ABHD17B: variants seen among roughly 807,000 people sequenced by gnomAD.
ABHD17B encodes alpha/beta hydrolase domain-containing protein 17B.
A neutral mutation model predicts 26.2 loss-of-function variants in ABHD17B; 9 were observed. That is an observed-to-expected ratio of 0.34 (90% confidence interval 0.21 to 0.60). The LOEUF (loss-of-function observed/expected upper bound fraction) is 0.60. Among genes scored for constraint, ABHD17B ranks in the 20% least tolerant of loss-of-function variants. The pLI, the probability that ABHD17B is intolerant of heterozygous loss-of-function variation, is 0.80. For synonymous variants in ABHD17B, 127 were observed against 122.3 expected (o/e 1.04, Z -0.25); for missense variants, 224 against 352.1 (o/e 0.64, Z 2.91).
chr9:71,870,222 T>C lies in ABHD17B; in HGVS notation c.508A>G (p.Ser170Gly), dbSNP rs1251489780. ...TCCACAGACGGTACTGTCCCTATAC[T>C]TTGGCCATATATAATCACATTTTCA... ...RPENVIIYGQ[S>G]IGTVPSVDLA... The change falls in exon 3 of 4, where the codon AGT becomes GGT. Residue 170 changes from serine (S) to glycine (G), a missense_variant. Coordinates refer to ENST00000333421, the MANE Select transcript of ABHD17B (RefSeq NM_001025780.3). The C allele has an allele frequency of 6.2e-7, 1 of 1,605,004 alleles. No individual in the cohort carries two copies. The highest frequency in any genetic ancestry group is 8.5e-7 in the Non-Finnish European group (1 of 1,176,518).
chr9:71,864,508 C>A (rs548877700), downstream of ABHD17B, among the ~76,000 whole-genome samples: 1 of 152,038 alleles, frequency 6.6e-6, no homozygotes, highest in East Asian at 1.9e-4. Context: ...CATGAGCCAC[C>A]GCCCCTGGCC....
intron 1 of ABHD17B, among the ~76,000 whole-genome samples, chr9:71,904,117 C>T (rs1827217497): frequency 6.6e-6 from 1 of 152,166 alleles, no homozygotes; most frequent in Non-Finnish European, 1.5e-5. Flanking sequence ...TTAACAGGTT[C>T]AACTAACTCC....
In ABHD17B at chr9:71,866,846, A is replaced by G. The variant is rs760746048; in HGVS notation, c.808T>C (p.Tyr270His). Residue 270 changes from tyrosine (Y) to histidine (H), a missense_variant, in exon 4 of 4, where the codon TAT becomes CAT. Tyr to His is a moderately conservative substitution (Grantham distance 83). Coordinates refer to ENST00000333421, the MANE Select transcript of ABHD17B (RefSeq NM_001025780.3). ...EGAGHNDVEL[Y>H]GQYLERLKQF... ...TTCAACCTTTCAAGATACTGTCCAT[A>G]AAGTTCCACATCATTGTGACCTGCT... 1.9e-6 allele frequency: 3 copies of G among 1,614,076 alleles called. No individual in the cohort carries two copies. The highest frequency in any genetic ancestry group is 1.3e-5 in the African/African-American group (1 of 74,938).
intron 1 of ABHD17B, among the ~76,000 whole-genome samples, chr9:71,907,790 C>A (rs556661103): frequency 3.0e-4 from 46 of 152,268 alleles, no homozygotes; most frequent in African/African-American, 1.0e-3. Context: ...GCTGGGATTA[C>A]AGGCGTGAGC....
chr9:71,896,394 A>G (rs144153138), intron 1 of ABHD17B, among the ~76,000 whole-genome samples: 7 of 152,318 alleles, frequency 4.6e-5, no homozygotes, highest in African/African-American at 1.7e-4. Flanking sequence ...ACATACGGGC[A>G]TTAAGGAATA....
chr9:71,910,555 T>G (rs1827433130), intron 1 of ABHD17B, 79 bp downstream of exon 1: 1 of 140,770 alleles, frequency 7.1e-6, no homozygotes, highest in African/African-American at 2.6e-5. Context: ...GGCTCGTCCC[T>G]CCCGCGCTGC....
At chr9:71,901,720 C>G (rs1369263481) in intron 1 of ABHD17B, among the ~76,000 whole-genome samples, 1 of 152,158 alleles carries the variant, frequency 6.6e-6, no homozygotes, top group South Asian at 2.1e-4. Context: ...CTTCATTCCT[C>G]TCATTCAATC....
chr9:71,895,835 AG>A (rs1314216957), intron 1 of ABHD17B, among the ~76,000 whole-genome samples: 1 of 152,184 alleles, frequency 6.6e-6, no homozygotes, highest in Non-Finnish European at 1.5e-5. Context: ...CTTGGGGTCA[AG>A]CCTAAAAATT....
At chr9:71,893,973 C>T (rs984388416) in intron 1 of ABHD17B, among the ~76,000 whole-genome samples, 5 of 151,532 alleles carry the variant, frequency 3.3e-5, no homozygotes, top group African/African-American at 9.7e-5. Context: ...ACCTGTAGTC[C>T]CAGCTACTCG....
At chr9:71,908,474 G>A (rs895212954) in intron 1 of ABHD17B, among the ~76,000 whole-genome samples, 6 of 151,972 alleles carry the variant, frequency 3.9e-5, no homozygotes, top group African/African-American at 1.5e-4. Context: ...GGCAAATGGG[G>A]CAATGTATGT....
At chr9:71,878,148 A>C (rs1415227934) in intron 1 of ABHD17B, among the ~76,000 whole-genome samples, 2 of 152,210 alleles carry the variant, frequency 1.3e-5, no homozygotes, top group Non-Finnish European at 2.9e-5. Context: ...AAAAAAAAAA[A>C]AAATCACTGA....
rs535783259 is a variant in ABHD17B at position 71,871,023 on chromosome 9, T to C, written c.468-761A>G. ...CTAGTATGTTCAAGGAACTGCTTGC[T>C]ACTTGTCTACAGTATAATCATCCCA... On this transcript the variant is annotated intron_variant, in intron 2 of 3. Coordinates refer to ENST00000333421, the MANE Select transcript of ABHD17B (RefSeq NM_001025780.3). Among the ~76,000 whole-genome samples the C allele has an allele frequency of 2.0e-5, 3 of 152,356 alleles. No homozygotes were observed. In the South Asian group the frequency reaches 6.2e-4, roughly 32 times the overall value.
rs572416293 is a variant in ABHD17B, at chr9:71,865,922, T to C, written c.*865A>G. 3 of 985,430 alleles carry C rather than the reference T, an allele frequency of 3.0e-6. No individual in the cohort carries two copies. In the South Asian group the frequency reaches 1.4e-4, roughly 46 times the overall value. 61.0% of individuals were successfully genotyped at this position (985,430 alleles called of 1,614,324 possible). On this transcript the variant is annotated 3_prime_UTR_variant, in exon 4 of 4. Coordinates refer to ENST00000333421, the MANE Select transcript of ABHD17B (RefSeq NM_001025780.3). ...TGATAGCCAGTCTGTTAGTGGTCTT[T>C]AAGATCAACTCATGGACTTTCGGGA...
chr9:71,866,499 C>T lies in ABHD17B; in HGVS notation c.*288G>A. ...GCAAAAGCATTTGGCAATACTTTTA[C>T]AGCATTTGATTTTATAGAATTAAAA... On this transcript the variant is annotated 3_prime_UTR_variant, in exon 4 of 4. Transcript: ENST00000333421. 3 of 1,102,586 alleles carry T rather than the reference C, an allele frequency of 2.7e-6. No individual in the cohort carries two copies. The highest frequency in any genetic ancestry group is 3.3e-6 in the Non-Finnish European group (3 of 903,458). 68.3% of individuals were successfully genotyped at this position (1,102,586 alleles called of 1,614,324 possible). A position where few individuals can be genotyped will look rare whatever the true frequency, so the allele number is the denominator to read the frequency against.
chr9:71,867,363 T>C lies in ABHD17B; in HGVS notation c.648-357A>G, dbSNP rs115858767. Among the ~76,000 whole-genome samples the C allele has an allele frequency of 8.3e-3, 1,264 of 152,318 alleles. 17 individuals are homozygous for C. The highest frequency in any genetic ancestry group is 0.028 in the African/African-American group (1,173 of 41,572). ...CATTTCAAGTATGCGCTAATTTCAC[T>C]TTCTGCACTCACTATATTCTTTCTC... is the stretch of plus-strand genomic sequence containing the variant. On this transcript the variant is annotated intron_variant, in intron 3 of 3. Transcript: ENST00000333421.
At chr9:71,901,410 T>C (rs1363149454) in intron 1 of ABHD17B, among the ~76,000 whole-genome samples, 1 of 152,206 alleles carries the variant, frequency 6.6e-6, no homozygotes, top group Non-Finnish European at 1.5e-5. Context: ...CTTCAATTTA[T>C]ACAGGATCAC....
At chr9:71,883,645 A>G (rs1826515188) in intron 1 of ABHD17B, among the ~76,000 whole-genome samples, 1 of 152,222 alleles carries the variant, frequency 6.6e-6, no homozygotes, top group Non-Finnish European at 1.5e-5. Context: ...CTCTTAAATG[A>G]AAAATGTCAG....
In ABHD17B at chr9:71,874,661, C is replaced by T; in HGVS notation, c.420G>A (p.Lys140=). 1 of 1,612,054 alleles carries T rather than the reference C, an allele frequency of 6.2e-7. No individual in the cohort carries two copies. Among genetic ancestry groups the T allele is most frequent in the African/African-American group, 1.3e-5 (1 of 74,956 alleles). Residue 140 remains lysine (K), a synonymous_variant, in exon 2 of 4, where the codon AAG becomes AAA. Transcript: ENST00000333421. ...CAGCTTCAATGTCTGCATAGAGGTT[C>T]TTCTCTGTGGGTTTCCCGGAACTGG... The part of the protein sequence containing the change: ...YGASSGKPTE[K]NLYADIEAAW...
At chr9:71,904,528 A>C (rs1211419066) in intron 1 of ABHD17B, among the ~76,000 whole-genome samples, 1 of 152,244 alleles carries the variant, frequency 6.6e-6, no homozygotes, top group Non-Finnish European at 1.5e-5. Flanking sequence ...CATTTTTAAA[A>C]TCCTAGCCAT....
Sources: allele counts gnomAD v4.1 joint callset (sites outside exome capture counted in the v4.1 genomes callset), GRCh38; gene constraint gnomAD v4.1.1; transcripts MANE v1.5; gene names NCBI Gene and HGNC (gene_info 2026-07-23, HGNC 2026-07-21).